The following TMOD1 variants were observed in gnomAD, a reference collection of about 807,000 sequenced individuals.
TMOD1 encodes the protein tropomodulin-1.
In TMOD1, 17 loss-of-function variants were observed where a neutral mutation model predicts 40.6. The ratio of observed to expected loss-of-function variants is 0.42; its 90% CI spans 0.29 to 0.63. TMOD1 has a LOEUF of 0.63. Ranked by LOEUF, TMOD1 falls within the 20% of genes least tolerant of loss-of-function variation. The pLI is 0.22. For missense variants in TMOD1, 391 were observed against 447.6 expected (o/e 0.87, Z 1.14); for synonymous variants, 181 against 175.0 (o/e 1.03, Z -0.27).
chr9:97,532,443 A>G lies in TMOD1; in HGVS notation c.120+8135A>G, dbSNP rs187542869. On this transcript the variant is annotated intron_variant, in intron 2 of 9. Transcript: ENST00000259365. ...GCCTTTTAGACTCTTTCACCTTCAC[A>G]CCCCTAGCACAGCACCTGCTCCACC... Among the ~76,000 whole-genome samples the G allele has an allele frequency of 2.9e-4, 44 of 151,484 alleles. No individual in the cohort carries two copies. In the East Asian group the frequency reaches 7.3e-3, roughly 25 times the overall value.
intron 2 of TMOD1, among the ~76,000 whole-genome samples, chr9:97,533,136 A>G (rs1212531130): frequency 6.6e-6 from 1 of 152,250 alleles, no homozygotes; most frequent in Non-Finnish European, 1.5e-5. Flanking sequence ...AAATGCTGAC[A>G]GCTTATTTAA....
intron 2 of TMOD1, among the ~76,000 whole-genome samples, chr9:97,528,298 C>T (rs1830047524): frequency 6.6e-6 from 1 of 152,126 alleles, no homozygotes; most frequent in African/African-American, 2.4e-5. Context: ...AGTGTGTGCA[C>T]CTCCCACTCT....
At chr9:97,505,910 T>C (rs895373656) in intron 1 of TMOD1, among the ~76,000 whole-genome samples, 1 of 152,160 alleles carries the variant, frequency 6.6e-6, no homozygotes, top group Non-Finnish European at 1.5e-5. Context: ...CATGCTGCTC[T>C]TAAAAGATCT....
upstream of TMOD1, chr9:97,501,286 C>T (rs1829495851): frequency 6.6e-6 from 1 of 152,218 alleles, no homozygotes; most frequent in Non-Finnish European, 1.5e-5. Flanking sequence ...GCAGCAGCTG[C>T]TTAGCTGGCT....
chr9:97,559,061 C>T (rs983617827), intron 4 of TMOD1, among the ~76,000 whole-genome samples: 2 of 152,186 alleles, frequency 1.3e-5, no homozygotes, highest in South Asian at 4.1e-4. Context: ...TATTTTCCAC[C>T]TCTCTCCACT....
intron 2 of TMOD1, among the ~76,000 whole-genome samples, chr9:97,526,083 C>A (rs947021039): frequency 1.3e-5 from 2 of 152,174 alleles, no homozygotes; most frequent in African/African-American, 4.8e-5. Flanking sequence ...GAGAATGTTG[C>A]CCCGGCCTGT....
Position 97,599,731 on chromosome 9 carries a change from G to A in TMOD1, c.*33G>A, listed in dbSNP as rs1358946167. The A allele has an allele frequency of 2.5e-6, 4 of 1,613,786 alleles. No homozygotes were observed. The highest frequency in any genetic ancestry group is 2.2e-5 in the East Asian group (1 of 44,896). ...CGGTGGAGTCCATGCCTTTGAACTG[G>A]ATGTGTTCTATTGATGACCTGTGCT... On this transcript the variant is annotated 3_prime_UTR_variant, in exon 10 of 10. Coordinates refer to ENST00000259365, the MANE Select transcript of TMOD1 (RefSeq NM_003275.4).
chr9:97,567,598 T>C (rs909508089), intron 7 of TMOD1, among the ~76,000 whole-genome samples: 3 of 152,220 alleles, frequency 2.0e-5, no homozygotes, highest in African/African-American at 7.2e-5. Context: ...TTTGATTTTT[T>C]TTATTAGATT....
At chr9:97,511,179 C>T (rs1304246774) in intron 1 of TMOD1, among the ~76,000 whole-genome samples, 1 of 152,068 alleles carries the variant, frequency 6.6e-6, no homozygotes, top group Non-Finnish European at 1.5e-5. Context: ...TCATTGTGTT[C>T]TGGGATGAAG....
At chr9:97,506,482 C>T (rs149474771) in intron 1 of TMOD1, among the ~76,000 whole-genome samples, 10 of 152,312 alleles carry the variant, frequency 6.6e-5, no homozygotes, top group African/African-American at 2.4e-4. Flanking sequence ...AGTCACACAA[C>T]ACCAACCAGC....
Position 97,508,104 on chromosome 9 carries a change from C to G in TMOD1, c.-49+6301C>G, listed in dbSNP as rs1000808137. 9.8e-5 allele frequency among the ~76,000 whole-genome samples: 14 copies of G among 142,790 alleles called. No homozygotes were observed. The East Asian group carries it at 1.4e-3, about 14-fold the overall frequency. 93.7% of individuals were successfully genotyped at this position (142,790 alleles called of 152,430 possible). A position where few individuals can be genotyped will look rare whatever the true frequency, so the allele number is the denominator to read the frequency against. ...ACACACACACACACACACACACACACAGACTCTGGAGACCACCTTGCTGGA... is the reference window on the plus strand; with the variant it reads ...ACACACACACACACACACACACACAGAGACTCTGGAGACCACCTTGCTGGA... On this transcript the variant is annotated intron_variant, in intron 1 of 9. Coordinates refer to ENST00000259365, the MANE Select transcript of TMOD1 (RefSeq NM_003275.4).
intron 8 of TMOD1, among the ~76,000 whole-genome samples, chr9:97,582,808 T>G: frequency 1.4e-5 from 2 of 139,128 alleles, no homozygotes; most frequent in Non-Finnish European, 3.1e-5. Context: ...GTTTGTCTGT[T>G]ATTGGTGTAT....
intron 4 of TMOD1, among the ~76,000 whole-genome samples, chr9:97,559,790 A>ATATAT (rs1211883354): frequency 3.2e-4 from 14 of 44,036 alleles, no homozygotes; most frequent in Admixed American, 7.2e-4. Flanking sequence ...AAAAAAAAAA[A>ATATAT]AAAAATATAT....
At chr9:97,598,366 G>A in intron 9 of TMOD1, among the ~76,000 whole-genome samples, 1 of 149,302 alleles carries the variant, frequency 6.7e-6, no homozygotes, top group Non-Finnish European at 1.5e-5. Flanking sequence ...GTCCTGTCTG[G>A]TACTAGCTTT....
At position 97,524,272 on chromosome 9, in the gene TMOD1, G is replaced by C. The variant is rs1459019538; in HGVS notation, c.84G>C (p.Arg28Ser). Reference protein sequence around the residue: ...ILGALTEEELRTLENELDELD... With the variant: ...ILGALTEEELSTLENELDELD... ...GAGCCCTAACAGAGGAAGAGCTGAGGACCCTGGAAAATGAGCTGGATGAGC... is the reference window on the plus strand; with the variant it reads ...GAGCCCTAACAGAGGAAGAGCTGAGCACCCTGGAAAATGAGCTGGATGAGC... The change falls in exon 2 of 10, where the codon AGG (arginine) becomes AGC (serine). Residue 28 changes from arginine to serine, a missense_variant. Arg to Ser is a moderately radical substitution (Grantham distance 110). Coordinates refer to ENST00000259365, the MANE Select transcript of TMOD1 (RefSeq NM_003275.4). 9 of 1,614,160 alleles carry C rather than the reference G, an allele frequency of 5.6e-6. No homozygotes were observed. Among genetic ancestry groups the C allele is most frequent in the Non-Finnish European group, 7.6e-6 (9 of 1,180,012 alleles).
At chr9:97,522,522 G>T (rs1298883925) in intron 1 of TMOD1, among the ~76,000 whole-genome samples, 1 of 151,940 alleles carries the variant, frequency 6.6e-6, no homozygotes, top group East Asian at 1.9e-4. Flanking sequence ...AGATACTGGG[G>T]GTTAGAACTT....
In TMOD1 at chr9:97,502,285, G is replaced by T. The variant is rs774128773; in HGVS notation, c.-49+482G>T. Among the ~76,000 whole-genome samples the T allele has an allele frequency of 6.6e-6, 1 of 152,182 alleles. No individual in the cohort carries two copies. The highest frequency in any genetic ancestry group is 2.4e-5 in the African/African-American group (1 of 41,452). On this transcript the variant is annotated intron_variant, in intron 1 of 9. Coordinates refer to ENST00000259365, the MANE Select transcript of TMOD1 (RefSeq NM_003275.4). This position sits in a 1 kb window ranked among gnomAD's most constrained non-coding sequence, Gnocchi z 6.1. ...CCTGCAAGAGTCTGGGGGTGGGAGT[G>T]GGGGAGTAAAGGCTCGACTGGACGT...
chr9:97,534,377 C>A (rs898204926), intron 2 of TMOD1, among the ~76,000 whole-genome samples: 6 of 152,122 alleles, frequency 3.9e-5, no homozygotes, highest in African/African-American at 1.2e-4. Flanking sequence ...CAAATCCAGG[C>A]CCTCAAAGTA....
At position 97,600,100 on chromosome 9, in the gene TMOD1, A is replaced by T. The variant is rs1033555249; in HGVS notation, c.*402A>T. On this transcript the variant is annotated 3_prime_UTR_variant, in exon 10 of 10. Coordinates refer to ENST00000259365, the MANE Select transcript of TMOD1 (RefSeq NM_003275.4). The stretch of plus-strand genomic sequence containing the variant: ...CCACATGCTTTTGAAGTATTATAAA[A>T]CACTTTATTACAAATTTGTCTTAGC... 1 of 1,009,272 alleles carries T rather than the reference A, an allele frequency of 9.9e-7. No homozygotes were observed. The highest frequency in any genetic ancestry group is 1.7e-5 in the African/African-American group (1 of 58,338). 62.5% of individuals were successfully genotyped at this position (1,009,272 alleles called of 1,614,324 possible). A position where few individuals can be genotyped will look rare whatever the true frequency, so the allele number is the denominator to read the frequency against.
Sources: gnomAD v4.1 joint callset for allele counts (sites outside exome capture counted in the v4.1 genomes callset) on GRCh38, gnomAD v4.1.1 for gene constraint, Gnocchi (gnomAD v3.1) non-coding constraint, MANE v1.5 for transcripts, NCBI Gene and HGNC (gene_info 2026-07-23, HGNC 2026-07-21) for gene names.